Variants in DAB2IP observed in about 807,000 individuals in gnomAD.
DAB2IP encodes the protein disabled homolog 2-interacting protein.
DAB2IP carries 28 observed loss-of-function variants against 107.2 expected under a neutral mutation model. The observed-to-expected ratio is 0.26, with a 90% confidence interval of 0.19 to 0.36. The LOEUF (loss-of-function observed/expected upper bound fraction) is 0.36. DAB2IP is among the 10% of genes least tolerant of loss of function. DAB2IP has a pLI of 1.00. For synonymous variants in DAB2IP, 755 were observed against 706.4 expected, an observed-to-expected ratio of 1.07 and a Z score of -1.09; for missense variants, 1,400 against 1,644.7, an observed-to-expected ratio of 0.85 and a Z score of 2.57.
At chr9:121,752,658 G>A (rs1269055182) in intron 3 of DAB2IP, among the ~76,000 whole-genome samples, 1 of 152,248 alleles carries the variant, frequency 6.6e-6, no homozygotes, top group Non-Finnish European at 1.5e-5. Flanking sequence ...CAGGCAGGCC[G>A]CTGCGAGAGT....
intron 11 of DAB2IP, 131 bp downstream of exon 11, chr9:121,770,855 G>A (rs1834669410): frequency 4.0e-6 from 5 of 1,251,318 alleles, no homozygotes; most frequent in Non-Finnish European, 2.2e-6. Context: ...GACTTGAGTT[G>A]TACAGGTCCT....
intron 1 of DAB2IP, among the ~76,000 whole-genome samples, chr9:121,643,744 A>G (rs1175569944): frequency 6.7e-6 from 1 of 150,168 alleles, no homozygotes; most frequent in Non-Finnish European, 1.5e-5. Context: ...TCCAGGTCAG[A>G]TAGGCTCAGC....
chr9:121,721,763 TTTATCTTAAAGG>T (rs1830949250), intron 3 of DAB2IP, among the ~76,000 whole-genome samples: 1 of 152,244 alleles, frequency 6.6e-6, no homozygotes, highest in Non-Finnish European at 1.5e-5. Context: ...GTTAAAGACC[TTTATCTTAAAGG>T]TTGGATAAAA....
At chr9:121,608,981 G>A (rs532172598) in intron 1 of DAB2IP, among the ~76,000 whole-genome samples, 3 of 152,196 alleles carry the variant, frequency 2.0e-5, no homozygotes, top group South Asian at 2.1e-4. Context: ...TCGCTCTGTC[G>A]CCCAGGCTAG....
intron 13 of DAB2IP, 58 bp downstream of exon 13, chr9:121,774,470 G>A (rs915181598): frequency 8.6e-6 from 13 of 1,510,200 alleles, no homozygotes; most frequent in Non-Finnish European, 1.1e-5. Flanking sequence ...GCAGCAGCTG[G>A]TAGGAGTCTC....
chr9:121,728,794 T>C (rs1831368823), intron 3 of DAB2IP, among the ~76,000 whole-genome samples: 1 of 151,732 alleles, frequency 6.6e-6, no homozygotes, highest in Non-Finnish European at 1.5e-5. Context: ...GCTAATGTTA[T>C]TAATAGTGTA....
At chr9:121,663,355 G>T (rs1453226900) in intron 1 of DAB2IP, among the ~76,000 whole-genome samples, 1 of 152,176 alleles carries the variant, frequency 6.6e-6, no homozygotes, top group Admixed American at 6.5e-5. Flanking sequence ...TAACTGGGAA[G>T]GATGTGTCTC....
intron 9 of DAB2IP, among the ~76,000 whole-genome samples, chr9:121,767,663 G>A (rs1320644973): frequency 3.9e-5 from 6 of 152,214 alleles, no homozygotes; most frequent in Non-Finnish European, 7.3e-5. Context: ...GGAGAGGATG[G>A]CCTTCCTCTG....
chr9:121,634,565 G>A lies in DAB2IP; in HGVS notation c.41-44113G>A, dbSNP rs1465667026. Among the ~76,000 whole-genome samples, 3 of 152,118 alleles carry A rather than the reference G, an allele frequency of 2.0e-5. No individual in the cohort carries two copies. Among genetic ancestry groups the A allele is most frequent in the African/African-American group, 7.2e-5 (3 of 41,424 alleles). On this transcript the variant is annotated intron_variant, in intron 1 of 16. Transcript: ENST00000259371. This position sits in a 1 kb window ranked among gnomAD's most constrained non-coding sequence, Gnocchi z 4.7. ...CAGCCTCGGTGCGCAGTTTGGAAGG[G>A]GTGACGCGCAGGTCTGAGAATGGGT...
chr9:121,775,604 T>C (rs1241728877), intron 13 of DAB2IP, among the ~76,000 whole-genome samples: 2 of 152,136 alleles, frequency 1.3e-5, no homozygotes, highest in Admixed American at 1.3e-4. Context: ...ACATCCCTGC[T>C]CCTCCCTGAT....
intron 1 of DAB2IP, among the ~76,000 whole-genome samples, chr9:121,625,608 A>G (rs1157445406): frequency 6.6e-6 from 1 of 150,628 alleles, no homozygotes; most frequent in Non-Finnish European, 1.5e-5. Flanking sequence ...TTTGGGTTGC[A>G]GTGAGTAGGT....
rs573964203 is a variant in DAB2IP at position 121,776,858 on chromosome 9, G to A, written c.3314+467G>A. Among the ~76,000 whole-genome samples, 29 of 152,258 alleles carry A rather than the reference G, an allele frequency of 1.9e-4. No individual in the cohort carries two copies. Among genetic ancestry groups the A allele is most frequent in the African/African-American group, 7.0e-4 (29 of 41,542 alleles). Reference sequence around the variant, plus strand: ...AGTGTCTGGGTGTGGGCGTATCAGGGTACCAGTTACTGAGCTGGGAACTGT... The same window carrying A: ...AGTGTCTGGGTGTGGGCGTATCAGGATACCAGTTACTGAGCTGGGAACTGT... On this transcript the variant is annotated intron_variant, in intron 14 of 15. Coordinates refer to ENST00000408936, the Ensembl canonical transcript of DAB2IP. This position sits in a 1 kb window ranked among gnomAD's most constrained non-coding sequence, Gnocchi z 5.4.
intron 1 of DAB2IP, among the ~76,000 whole-genome samples, chr9:121,587,136 G>A (rs888536293): frequency 3.5e-4 from 53 of 152,188 alleles, no homozygotes; most frequent in African/African-American, 1.1e-3. Flanking sequence ...ATGAAGGCTC[G>A]GAGAAGCGAA....
At chr9:121,643,130 A>G (rs931961492) in intron 1 of DAB2IP, among the ~76,000 whole-genome samples, 1 of 152,084 alleles carries the variant, frequency 6.6e-6, no homozygotes, top group African/African-American at 2.4e-5. Context: ...TTAAGAATAT[A>G]GATTCCTTGG....
At chr9:121,730,629 G>A (rs928555759) in intron 3 of DAB2IP, among the ~76,000 whole-genome samples, 1 of 152,236 alleles carries the variant, frequency 6.6e-6, no homozygotes, top group African/African-American at 2.4e-5. Flanking sequence ...ACACCTATCT[G>A]TAGGGGAGGT....
At chr9:121,735,429 C>T (rs1396883798) in intron 3 of DAB2IP, among the ~76,000 whole-genome samples, 1 of 152,208 alleles carries the variant, frequency 6.6e-6, no homozygotes, top group Non-Finnish European at 1.5e-5. Context: ...ACAGTAGGTG[C>T]CTGACACAGT....
chr9:121,658,175 T>C (rs780376807), intron 1 of DAB2IP, among the ~76,000 whole-genome samples: 1 of 152,230 alleles, frequency 6.6e-6, no homozygotes, highest in Non-Finnish European at 1.5e-5. Flanking sequence ...CATACGTGTT[T>C]TGCTTTAGAA....
intron 3 of DAB2IP, among the ~76,000 whole-genome samples, chr9:121,755,239 GGTGGTGTGGCGGT>G (rs1833395557): frequency 6.6e-6 from 1 of 151,752 alleles, no homozygotes; most frequent in African/African-American, 2.4e-5. Flanking sequence ...GGTGTGATGT[GGTGGTGTGGCGGT>G]GTGGCGTGGC....
At chr9:121,568,288 G>A (rs1449679916) in intron 1 of DAB2IP, among the ~76,000 whole-genome samples, 8 of 152,192 alleles carry the variant, frequency 5.3e-5, no homozygotes, top group East Asian at 1.9e-4. Flanking sequence ...CCTTTGCCAC[G>A]TTTGGAGCTG....
Sources: gnomAD v4.1 joint callset for allele counts (sites outside exome capture counted in the v4.1 genomes callset) on GRCh38, gnomAD v4.1.1 for gene constraint, Gnocchi (gnomAD v3.1) non-coding constraint, MANE v1.5 for transcripts, NCBI Gene and HGNC (gene_info 2026-07-23, HGNC 2026-07-21) for gene names.